The following LTBP1 variants were observed in gnomAD, a reference collection of about 807,000 sequenced individuals.
The protein encoded by LTBP1 is latent-transforming growth factor beta-binding protein 1.
In LTBP1, 129 loss-of-function variants were observed where a neutral mutation model predicts 207.6. That is an observed-to-expected ratio of 0.62 (90% CI 0.54 to 0.72). The LOEUF is 0.72. Ranked by LOEUF, LTBP1 falls within the 30% of genes least tolerant of loss-of-function variation. The pLI is 0.00. For missense variants in LTBP1, 2,281 were observed against 2,217.2 expected (o/e 1.03, Z -0.58); for synonymous variants, 963 against 833.7 (o/e 1.16, Z -2.67).
rs185897019 is a variant in LTBP1, at chr2:33,179,822, G to A, written c.1202-7034G>A. On this transcript the variant is annotated intron_variant, in intron 5 of 33. Transcript: ENST00000404816. The stretch of plus-strand genomic sequence containing the variant: ...TGTCCTGTGATTCAGATCTGCCTGG[G>A]TCCTAAGTTTTAATCTATCATTTAT... 1.4e-3 allele frequency among the ~76,000 whole-genome samples: 209 copies of A among 152,142 alleles called. 3 individuals carry two copies. The highest frequency in any genetic ancestry group is 4.9e-3 in the African/African-American group (201 of 41,440).
At chr2:33,022,330 A>G (rs566265424) in intron 3 of LTBP1, among the ~76,000 whole-genome samples, 1 of 129,696 alleles carries the variant, frequency 7.7e-6, no homozygotes, top group Non-Finnish European at 1.6e-5. Flanking sequence ...ATAATACTTC[A>G]GTTCTATTGT....
chr2:33,177,999 A>G (rs1194990930), intron 5 of LTBP1, among the ~76,000 whole-genome samples: 5 of 152,156 alleles, frequency 3.3e-5, no homozygotes, highest in Non-Finnish European at 7.3e-5. Flanking sequence ...GTTTCTGATG[A>G]TCCCCAAGGG....
At chr2:32,989,574 A>C (rs1204499472) in intron 2 of LTBP1, among the ~76,000 whole-genome samples, 1 of 152,214 alleles carries the variant, frequency 6.6e-6, no homozygotes, top group Non-Finnish European at 1.5e-5. Context: ...GGTAATGTGG[A>C]CAAGGAAAAG....
chr2:33,168,373 G>C (rs1457607236), intron 5 of LTBP1, among the ~76,000 whole-genome samples: 3 of 127,414 alleles, frequency 2.4e-5, no homozygotes, highest in Non-Finnish European at 4.9e-5. Flanking sequence ...GGGACAAAGT[G>C]ACAAAGTGAG....
chr2:33,124,743 ATTTTTTCT>A (rs2081338395), intron 4 of LTBP1, among the ~76,000 whole-genome samples: 1 of 152,134 alleles, frequency 6.6e-6, no homozygotes, highest in African/African-American at 2.4e-5. Context: ...ATGTGTAAGT[ATTTTTTCT>A]TTGATTTGCA....
intron 31 of LTBP1, among the ~76,000 whole-genome samples, chr2:33,380,768 T>C (rs2095204370): frequency 6.6e-6 from 1 of 152,208 alleles, no homozygotes; most frequent in East Asian, 1.9e-4. Flanking sequence ...TCACAGAACA[T>C]GAAATTAAGC....
chr2:33,097,449 ATTGGAGTTATTTTGTT>A (rs1390120162), intron 3 of LTBP1, among the ~76,000 whole-genome samples: 1 of 152,190 alleles, frequency 6.6e-6, no homozygotes, highest in Non-Finnish European at 1.5e-5. Flanking sequence ...AAGCGGGATC[ATTGGAGTTATTTTGTT>A]TCTGATCATC....
At chr2:33,212,714 C>G (rs2090402102) in intron 7 of LTBP1, among the ~76,000 whole-genome samples, 1 of 152,112 alleles carries the variant, frequency 6.6e-6, no homozygotes, top group Admixed American at 6.6e-5. Flanking sequence ...GCCTTTAGTC[C>G]TGCCAATACA....
chr2:33,214,955 A>T (rs917462565), intron 7 of LTBP1, among the ~76,000 whole-genome samples: 2 of 151,762 alleles, frequency 1.3e-5, no homozygotes, highest in South Asian at 2.1e-4. Context: ...ATATTAGGGA[A>T]GTTCATTTTG....
chr2:33,168,493 G>A (rs2085133505), intron 5 of LTBP1, among the ~76,000 whole-genome samples: 1 of 151,608 alleles, frequency 6.6e-6, no homozygotes, highest in South Asian at 2.1e-4. Flanking sequence ...TTATAAAAAT[G>A]AAACTTGTGA....
At chr2:33,250,169 A>T (rs1459511806) in intron 10 of LTBP1, among the ~76,000 whole-genome samples, 1 of 152,234 alleles carries the variant, frequency 6.6e-6, no homozygotes, top group Non-Finnish European at 1.5e-5. Flanking sequence ...GTCATTTGAA[A>T]TGACAAAAAG....
At chr2:33,022,683 G>T (rs1014762813) in intron 3 of LTBP1, among the ~76,000 whole-genome samples, 1 of 152,080 alleles carries the variant, frequency 6.6e-6, no homozygotes, top group African/African-American at 2.4e-5. Flanking sequence ...GGAAGGAGTT[G>T]GCAAAAATTT....
At chr2:33,264,046 G>C (rs2093100994) in intron 15 of LTBP1, among the ~76,000 whole-genome samples, 1 of 151,620 alleles carries the variant, frequency 6.6e-6, no homozygotes, top group Admixed American at 6.6e-5. Context: ...ACTAGGTCAG[G>C]AGATTGAGAC....
At position 33,268,526 on chromosome 2, in the gene LTBP1, A is replaced by G. The variant is rs535167219; in HGVS notation, c.2618-5130A>G. On this transcript the variant is annotated intron_variant, in intron 15 of 33. Transcript: ENST00000404816. ...AAAGTGAGCCACATATCTGCAGGAA[A>G]TACGTGTGATGTTTTCCACTCTTAA... Among the ~76,000 whole-genome samples, 127 of 152,368 alleles carry G rather than the reference A, an allele frequency of 8.3e-4. 2 individuals carry two copies. Among genetic ancestry groups the G allele is most frequent in the Middle Eastern group, 3.4e-3 (1 of 294 alleles).
chr2:33,019,657 G>C (rs975258038), intron 2 of LTBP1, among the ~76,000 whole-genome samples: 2 of 151,716 alleles, frequency 1.3e-5, no homozygotes, highest in African/African-American at 4.8e-5. Context: ...ACTTCTAAGG[G>C]ACCTTGCCTA....
chr2:33,155,422 T>C (rs139271138), intron 5 of LTBP1, among the ~76,000 whole-genome samples: 17 of 152,352 alleles, frequency 1.1e-4, no homozygotes, highest in African/African-American at 4.1e-4. Flanking sequence ...GATTGGAGTT[T>C]AAGTTGCATT....
chr2:33,262,759 A>G lies in LTBP1; in HGVS notation c.2456A>G (p.Glu819Gly). The change falls in exon 14 of 34, where the codon GAG becomes GGG. Residue 819 changes from glutamate (E) to glycine (G), a missense_variant. By Grantham distance (98) the Glu-to-Gly change is moderately conservative (BLOSUM62 -2). This residue lies in a region of LTBP1 where 1,671 missense variants were observed against 1,634.8 expected (regional missense o/e 1.02). Transcript: ENST00000404816. ...PSLDQEKTKL[E>G]PGQPQLSPGI... Reference sequence around the variant, plus strand: ...TTGGATCAAGAGAAAACCAAACTTGAGCCTGGTCAACCCCAGCTGTCTCCA... The same window carrying G: ...TTGGATCAAGAGAAAACCAAACTTGGGCCTGGTCAACCCCAGCTGTCTCCA... 6.2e-7 allele frequency: 1 copy of G among 1,606,048 alleles called. No individual in the cohort carries two copies. The highest frequency in any genetic ancestry group is 8.5e-7 in the Non-Finnish European group (1 of 1,175,120).
chr2:32,948,867 T>C lies in LTBP1; in HGVS notation c.495-8T>C, dbSNP rs1344893365. 6.2e-7 allele frequency: 1 copy of C among 1,613,960 alleles called. No individual in the cohort carries two copies. Among genetic ancestry groups the C allele is most frequent in the East Asian group, 2.2e-5 (1 of 44,894 alleles). On this transcript the variant is annotated splice_polypyrimidine_tract_variant and splice_region_variant and intron_variant, in intron 1 of 33. Transcript: ENST00000404816. ...GCTGCTGGACTCAGCGATCTTGCTT[T>C]GTTTCAGGGTCAATGTCTGTGGAGG...
chr2:33,094,855 G>C (rs1051865292), intron 3 of LTBP1, among the ~76,000 whole-genome samples: 1 of 152,126 alleles, frequency 6.6e-6, no homozygotes, highest in Non-Finnish European at 1.5e-5. Flanking sequence ...TGAAAAAAAA[G>C]TTGCATTTAC....
Sources: allele counts gnomAD v4.1 joint callset (sites outside exome capture counted in the v4.1 genomes callset), GRCh38; gene constraint gnomAD v4.1.1; regional missense constraint gnomAD v4.1.1; transcripts MANE v1.5; gene names NCBI Gene and HGNC (gene_info 2026-07-23, HGNC 2026-07-21).